The following NUBP1 variants were observed in gnomAD, a reference collection of about 807,000 sequenced individuals.
NUBP1 encodes NUBP iron-sulfur cluster assembly factor 1, cytosolic.
NUBP1 carries 46 observed loss-of-function variants against 41.8 expected under a neutral mutation model. The observed-to-expected ratio is 1.10, with a 90% confidence interval of 0.87 to 1.41. The LOEUF (loss-of-function observed/expected upper bound fraction) is 1.41, where lower values mean the gene tolerates loss of function less well. Ranked by LOEUF, NUBP1 falls within the 40% of genes most tolerant of loss-of-function variation. NUBP1 has a pLI of 0.00. For synonymous variants in NUBP1, 189 were observed against 154.6 expected (o/e 1.22, Z -1.65); for missense variants, 494 against 414.0 (o/e 1.19, Z -1.68).
At position 10,749,120 on chromosome 16, in the gene NUBP1, G is replaced by GAC. The variant is rs777149995; in HGVS notation, c.258+1848_258+1849dup. On this transcript the variant is annotated intron_variant, in intron 3 of 10. Coordinates refer to ENST00000283027, the MANE Select transcript of NUBP1 (RefSeq NM_002484.4). The surrounding 1 kb of genome is among the most constrained non-coding windows in gnomAD (Gnocchi z 4.1). Reference sequence around the variant, plus strand: ...AAAAAAGGATATAGATAGATACACAGACACATACACACACACACACACACA... The same window carrying GAC: ...AAAAAAGGATATAGATAGATACACAGACACACATACACACACACACACACACA... Among the ~76,000 whole-genome samples the GAC allele has an allele frequency of 0.056, 5,141 of 92,302 alleles. 313 individuals carry two copies. Among genetic ancestry groups the GAC allele is most frequent in the African/African-American group, 0.12 (2,979 of 25,776 alleles). 60.6% of individuals were successfully genotyped at this position (92,302 alleles called of 152,430 possible).
chr16:10,761,779 C>T lies in NUBP1; in HGVS notation c.740C>T (p.Pro247Leu), dbSNP rs1464332776. Residue 247 changes from proline to leucine, a missense_variant, in exon 9 of 11, where the codon CCC becomes CTC. Pro to Leu is a moderately conservative substitution (Grantham distance 98). Transcript: ENST00000283027. ...KCKKESQIFPPTTGGAELMCQ... is the reference protein window; with the variant it reads ...KCKKESQIFPLTTGGAELMCQ... ...CAGAAAGAATCTCAGATATTCCCTC[C>T]CACAACCGGGGGCGCGGAGCTCATG... The T allele has an allele frequency of 6.2e-7, 1 of 1,614,050 alleles. No individual in the cohort carries two copies. The highest frequency in any genetic ancestry group is 1.7e-5 in the Admixed American group (1 of 60,002).
At chr16:10,751,794 G>A (rs998557207) in intron 3 of NUBP1, among the ~76,000 whole-genome samples, 4 of 152,192 alleles carry the variant, frequency 2.6e-5, no homozygotes, top group African/African-American at 9.7e-5. Flanking sequence ...TTCACCTTCA[G>A]GATCAAAGGA....
chr16:10,744,159 T>C, intron 2 of NUBP1, 94 bp downstream of exon 2: 1 of 1,163,346 alleles, frequency 8.6e-7, no homozygotes, highest in Non-Finnish European at 1.2e-6. Flanking sequence ...GCAGAATGAC[T>C]GACAGCGGCA....
chr16:10,760,797 T>G (rs1005760300), intron 7 of NUBP1: 3 of 152,398 alleles, frequency 2.0e-5, no homozygotes, highest in African/African-American at 4.8e-5. Flanking sequence ...GGGAAGTAAA[T>G]AGCACCTCGA....
chr16:10,757,914 G>T lies in NUBP1; in HGVS notation c.493G>T (p.Val165Phe). ...QFLRDVDWGE[V>F]DYLIVDTPPG... Reference sequence around the variant, plus strand: ...CCTCCGAGATGTGGACTGGGGAGAGGTCGACTACCTCATTGTGGACACCCC... The same window carrying T: ...CCTCCGAGATGTGGACTGGGGAGAGTTCGACTACCTCATTGTGGACACCCC... Residue 165 changes from valine to phenylalanine, a missense_variant, in exon 7 of 11, where the codon GTC (valine) becomes TTC (phenylalanine). Coordinates refer to ENST00000283027, the MANE Select transcript of NUBP1 (RefSeq NM_002484.4). The surrounding 1 kb of genome is among the most constrained non-coding windows in gnomAD (Gnocchi z 4.1). The T allele has an allele frequency of 1.2e-6, 2 of 1,614,064 alleles. No homozygotes were observed. Among genetic ancestry groups the T allele is most frequent in the Non-Finnish European group, 1.7e-6 (2 of 1,180,012 alleles).
chr16:10,746,881 C>G (rs1168158133), intron 2 of NUBP1, among the ~76,000 whole-genome samples: 2 of 152,212 alleles, frequency 1.3e-5, no homozygotes, highest in African/African-American at 4.8e-5. Context: ...TCAGACAGTT[C>G]CTACCTTTGT....
intron 2 of NUBP1, among the ~76,000 whole-genome samples, chr16:10,746,848 C>A (rs1296007435): frequency 6.6e-6 from 1 of 152,190 alleles, no homozygotes; most frequent in Non-Finnish European, 1.5e-5. Context: ...TCTTCTGGAG[C>A]TGGGAATACA....
rs747727117 is a variant in NUBP1, at chr16:10,761,775, C to T, written c.736C>T (p.Pro246Ser). Residue 246 changes from proline to serine, a missense_variant, in exon 9 of 11, where the codon CCT (proline) becomes TCT (serine). Pro to Ser is a moderately conservative substitution (Grantham distance 74). Transcript: ENST00000283027. ...CTTGCAGAAAGAATCTCAGATATTC[C>T]CTCCCACAACCGGGGGCGCGGAGCT... Reference protein sequence around the residue: ...PKCKKESQIFPPTTGGAELMC... With the variant: ...PKCKKESQIFSPTTGGAELMC... 1.2e-6 allele frequency: 2 copies of T among 1,613,854 alleles called. No individual in the cohort carries two copies. The highest frequency in any genetic ancestry group is 8.5e-7 in the Non-Finnish European group (1 of 1,179,850).
rs766250034 is a variant in NUBP1 at position 10,761,858 on chromosome 16, A to G, written c.819A>G (p.Ile273Met). Reference protein sequence around the residue: ...LLGRVPLDPLIGKNCDKGQSF... With the variant: ...LLGRVPLDPLMGKNCDKGQSF... ...GCAGAGTGCCCCTGGATCCGCTCAT[A>G]GGTGGGTGACCCCAGTGTGGGGCGG... Residue 273 changes from isoleucine to methionine, a missense_variant and splice_region_variant, in exon 9 of 11, where the codon ATA becomes ATG. Physicochemically the swap from Ile to Met is conservative, Grantham distance 10. Coordinates refer to ENST00000283027, the MANE Select transcript of NUBP1 (RefSeq NM_002484.4). The G allele has an allele frequency of 1.9e-6, 3 of 1,612,752 alleles. No individual in the cohort carries two copies. The highest frequency in any genetic ancestry group is 1.3e-5 in the African/African-American group (1 of 75,038).
chr16:10,754,934 AC>A (rs911161801), intron 4 of NUBP1, among the ~76,000 whole-genome samples: 5 of 152,146 alleles, frequency 3.3e-5, no homozygotes, highest in African/African-American at 1.2e-4. Flanking sequence ...AATCTCAGCT[AC>A]CTGGGAGGCT....
At position 10,769,165 on chromosome 16, in the gene NUBP1, C is replaced by T; in HGVS notation, c.*60C>T. The T allele has an allele frequency of 1.3e-6, 2 of 1,512,216 alleles. No individual in the cohort carries two copies. The highest frequency in any genetic ancestry group is 1.8e-6 in the Non-Finnish European group (2 of 1,088,918). The allele number at this position is 1,512,216 out of a possible 1,614,324, so 93.7% of individuals were successfully genotyped here. On this transcript the variant is annotated 3_prime_UTR_variant, in exon 11 of 11. Coordinates refer to ENST00000283027, the MANE Select transcript of NUBP1 (RefSeq NM_002484.4). ...GCGAGGCACTCACTGGGCAGCACAT[C>T]CAGCCAGACCCGACCAGCTCCGGGA... is the stretch of plus-strand genomic sequence containing the variant.
At position 10,767,354 on chromosome 16, in the gene NUBP1, A is replaced by T; in HGVS notation, c.821-595A>T. On this transcript the variant is annotated intron_variant, in intron 9 of 10. Transcript: ENST00000283027. This position sits in a 1 kb window ranked among gnomAD's most constrained non-coding sequence, Gnocchi z 4.6. ...AATGGCCACATGGCGGGGAAAGACT[A>T]GCAGACTGATAGACACCAGCACAGA... The T allele has an allele frequency of 2.5e-6, 1 of 399,704 alleles. No homozygotes were observed. Among genetic ancestry groups the T allele is most frequent in the East Asian group, 3.6e-5 (1 of 28,102 alleles). 24.8% of individuals were successfully genotyped at this position (399,704 alleles called of 1,614,324 possible).
In NUBP1 at chr16:10,744,081, G is replaced by A. The variant is rs566033008; in HGVS notation, c.124+16G>A. On this transcript the variant is annotated intron_variant, in intron 2 of 10. Coordinates refer to ENST00000283027, the MANE Select transcript of NUBP1 (RefSeq NM_002484.4). ...CCGGACACGGGTGAGAAAAGGGCAA[G>A]GCCTCAACAGGAACTTAGAGGCGCA... The A allele has an allele frequency of 1.9e-6, 3 of 1,554,318 alleles. No individual in the cohort carries two copies. Among genetic ancestry groups the A allele is most frequent in the African/African-American group, 1.4e-5 (1 of 72,124 alleles).
At chr16:10,761,266 A>G in intron 7 of NUBP1, 98 bp from the exon 8 acceptor site, 2 of 1,098,812 alleles carry the variant, frequency 1.8e-6, no homozygotes, top group Non-Finnish European at 2.7e-6. Flanking sequence ...AGGCTTTATG[A>G]TCGCAGATCC....
intron 4 of NUBP1, among the ~76,000 whole-genome samples, chr16:10,755,447 A>G (rs542127284): frequency 3.3e-5 from 5 of 152,272 alleles, no homozygotes; most frequent in African/African-American, 1.2e-4. Flanking sequence ...TAGACACAAC[A>G]TCATATTTGA....
chr16:10,761,174 T>G, intron 7 of NUBP1, 190 bp from the exon 8 acceptor site: 10 of 499,048 alleles, frequency 2.0e-5, no homozygotes, highest in African/African-American at 2.0e-5. Context: ...CCTGTAGGGA[T>G]GTAGGGATGA....
At chr16:10,761,604 C>T in intron 8 of NUBP1, 130 bp downstream of exon 8, 1 of 989,984 alleles carries the variant, frequency 1.0e-6, no homozygotes, top group South Asian at 1.6e-5. Context: ...AATTAAAATC[C>T]CTTTCTGCTG....
rs1270422563 is a variant in NUBP1 at position 10,765,700 on chromosome 16, G to A, written c.821-2249G>A. Among the ~76,000 whole-genome samples, 1 of 152,188 alleles carries A rather than the reference G, an allele frequency of 6.6e-6. No individual in the cohort carries two copies. Among genetic ancestry groups the A allele is most frequent in the South Asian group, 2.1e-4 (1 of 4,830 alleles). On this transcript the variant is annotated intron_variant, in intron 9 of 10. Transcript: ENST00000283027. This position sits in a 1 kb window ranked among gnomAD's most constrained non-coding sequence, Gnocchi z 4.0. ...CTCCCTCACACCAAGCCCTGGCATT[G>A]GCCCTGGTCTTTCCTTTCAGGGCCA...
rs574663075 is a variant in NUBP1 at position 10,759,653 on chromosome 16, G to T, written c.606+1626G>T. ...TAGCCAGGCGTGGTGGTGGGCACCT[G>T]TAATCCCAGCTACTTGGGAGGCTGA... On this transcript the variant is annotated intron_variant, in intron 7 of 10. Transcript: ENST00000283027. The surrounding 1 kb of genome is among the most constrained non-coding windows in gnomAD (Gnocchi z 4.7). Among the ~76,000 whole-genome samples, 1 of 152,316 alleles carries T rather than the reference G, an allele frequency of 6.6e-6. No individual in the cohort carries two copies. Among genetic ancestry groups the T allele is most frequent in the Admixed American group, 6.5e-5 (1 of 15,302 alleles).
Sources: allele counts gnomAD v4.1 joint callset (sites outside exome capture counted in the v4.1 genomes callset), GRCh38; gene constraint gnomAD v4.1.1; non-coding constraint Gnocchi (gnomAD v3.1); transcripts MANE v1.5; gene names NCBI Gene and HGNC (gene_info 2026-07-23, HGNC 2026-07-21).